Variants in ADGRL1 observed in about 807,000 individuals in gnomAD.
The protein encoded by ADGRL1 is CIRL-1.
ADGRL1 carries 31 observed loss-of-function variants against 148.9 expected under a neutral mutation model. That is an observed-to-expected ratio of 0.21 (90% CI 0.16 to 0.28). The LOEUF (loss-of-function observed/expected upper bound fraction) is 0.28, where lower values mean the gene tolerates loss of function less well. ADGRL1 is among the 10% of genes least tolerant of loss of function. The pLI is 1.00. For synonymous variants in ADGRL1, 937 were observed against 900.3 expected, an observed-to-expected ratio of 1.04 and a Z score of -0.73; for missense variants, 1,521 against 2,058.8, an observed-to-expected ratio of 0.74 and a Z score of 5.05.
In ADGRL1 at chr19:14,183,517, C is replaced by T. The variant is rs561441228; in HGVS notation, c.70+16G>A. ...TTTGGGAGCCGCGGCCCCTCCCCGG[C>T]CCCAGCAGCACCTACCTTGGGTGGC... is the stretch of plus-strand genomic sequence containing the variant. On this transcript the variant is annotated intron_variant, in intron 2 of 22. Transcript: ENST00000361434. The T allele has an allele frequency of 1.6e-5, 25 of 1,561,392 alleles. No individual in the cohort carries two copies. In the South Asian group the frequency reaches 2.7e-4, roughly 17 times the overall value.
chr19:14,158,640 C>A (rs1353588710), intron 11 of ADGRL1, 88 bp from the exon 12 acceptor site: 4 of 1,133,724 alleles, frequency 3.5e-6, no homozygotes, highest in Non-Finnish European at 5.1e-6. Flanking sequence ...TCAGCCAGCT[C>A]CTCAGCCCTT....
At chr19:14,174,782 C>T (rs574969975) in intron 3 of ADGRL1, among the ~76,000 whole-genome samples, 6 of 151,168 alleles carry the variant, frequency 4.0e-5, no homozygotes, top group Admixed American at 2.0e-4. Context: ...GTGATCCACC[C>T]GCCATGGCCT....
At chr19:14,184,902 G>A (rs1047951852) in intron 1 of ADGRL1, among the ~76,000 whole-genome samples, 4 of 152,130 alleles carry the variant, frequency 2.6e-5, no homozygotes, top group Admixed American at 2.0e-4. Context: ...GCCTCCCAAA[G>A]TGCTGGGATT....
intron 2 of ADGRL1, 81 bp from the exon 3 acceptor site, chr19:14,177,825 A>C: frequency 7.8e-7 from 1 of 1,289,364 alleles, no homozygotes; most frequent in Admixed American, 2.1e-5. Flanking sequence ...AGAAAACACC[A>C]CCTCTGGCTC....
chr19:14,201,062 G>A (rs1339296211), intron 1 of ADGRL1, among the ~76,000 whole-genome samples: 3 of 152,180 alleles, frequency 2.0e-5, no homozygotes, highest in Non-Finnish European at 4.4e-5. Context: ...GAAGAGGCTA[G>A]GGTGGCCTCT....
chr19:14,195,855 C>T (rs35945852), intron 1 of ADGRL1, among the ~76,000 whole-genome samples: 25,345 of 152,106 alleles, frequency 0.17, 2,469 homozygotes, highest in Non-Finnish European at 0.22. Flanking sequence ...ACATGATCCT[C>T]GGGCAGGGCA....
Position 14,151,113 on chromosome 19 carries a change from G to T in ADGRL1, c.4170C>A (p.Pro1390=). The T allele has an allele frequency of 6.4e-7, 1 of 1,564,134 alleles. No individual in the cohort carries two copies. The highest frequency in any genetic ancestry group is 8.6e-7 in the Non-Finnish European group (1 of 1,157,550). ...CCTCAGGGCTGCTGTCCGGGTAGGAGGGTGAGTCCCGCAGGTTGGCCCCGC... is the reference window on the plus strand; with the variant it reads ...CCTCAGGGCTGCTGTCCGGGTAGGATGGTGAGTCCCGCAGGTTGGCCCCGC... ...YASGANLRDS[P]SYPDSSPEGP... is the part of the protein sequence containing the mutation. The change falls in exon 23 of 23, where the codon CCC becomes CCA. Residue 1390 remains proline, a synonymous_variant. Coordinates refer to ENST00000361434, the MANE Select transcript of ADGRL1 (RefSeq NM_014921.5).
intron 3 of ADGRL1, among the ~76,000 whole-genome samples, chr19:14,173,356 G>C (rs80055970): frequency 1.3e-5 from 2 of 151,974 alleles, no homozygotes; most frequent in Admixed American, 6.6e-5. Context: ...TCGACTTCCC[G>C]AAGTGCTGGG....
chr19:14,168,779 A>T (rs1970219767), intron 4 of ADGRL1: 1 of 152,008 alleles, frequency 6.6e-6, no homozygotes, highest in Non-Finnish European at 1.5e-5. Flanking sequence ...TACCACAGCA[A>T]TAATCGTAAT....
At position 14,183,650 on chromosome 19, in the gene ADGRL1, G is replaced by T. The variant is rs1971379575; in HGVS notation, c.-48C>A. On this transcript the variant is annotated 5_prime_UTR_variant, in exon 2 of 23. Transcript: ENST00000361434. Reference sequence around the variant, plus strand: ...GGAGCTCTCAGTGGCCTGTGCGGGGGGCTTTGCCCCACATCACCTGGCAGG... The same window carrying T: ...GGAGCTCTCAGTGGCCTGTGCGGGGTGCTTTGCCCCACATCACCTGGCAGG... The T allele has an allele frequency of 5.3e-6, 8 of 1,505,930 alleles. No homozygotes were observed. The highest frequency in any genetic ancestry group is 2.5e-5 in the East Asian group (1 of 40,334). 93.3% of individuals were successfully genotyped at this position (1,505,930 alleles called of 1,614,324 possible).
At chr19:14,171,695 G>A (rs188848414) in intron 3 of ADGRL1, among the ~76,000 whole-genome samples, 2 of 152,296 alleles carry the variant, frequency 1.3e-5, no homozygotes, top group East Asian at 1.9e-4. Context: ...CTGCTGTGCA[G>A]ACTTATAGCC....
chr19:14,160,706 CAG>C lies in ADGRL1; in HGVS notation c.1511-12_1511-11del. On this transcript the variant is annotated splice_polypyrimidine_tract_variant and intron_variant, in intron 6 of 22. Transcript: ENST00000361434. The surrounding 1 kb of genome is among the most constrained non-coding windows in gnomAD (Gnocchi z 5.9). ...TGGAAGGAGGCAATTCCTGCAGGGA[CAG>C]ACAGACAGGAACAGACAAGGGAGCC... 6.5e-7 allele frequency: 1 copy of C among 1,529,424 alleles called. No homozygotes were observed. Among genetic ancestry groups the C allele is most frequent in the Non-Finnish European group, 9.1e-7 (1 of 1,104,950 alleles). The allele number at this position is 1,529,424 out of a possible 1,614,324, so 94.7% of individuals were successfully genotyped here.
chr19:14,172,615 C>A (rs780317714), intron 3 of ADGRL1, among the ~76,000 whole-genome samples: 10 of 152,014 alleles, frequency 6.6e-5, no homozygotes, highest in Non-Finnish European at 1.3e-4. Context: ...TGGGGCGCAC[C>A]GGTAATCCCA....
At chr19:14,203,866 G>C (rs1972781158) in intron 1 of ADGRL1, among the ~76,000 whole-genome samples, 2 of 152,124 alleles carry the variant, frequency 1.3e-5, no homozygotes, top group African/African-American at 4.8e-5. Flanking sequence ...CCCTTGGAGA[G>C]AAAGAGGGCC....
chr19:14,180,675 G>A (rs564675251), intron 2 of ADGRL1, among the ~76,000 whole-genome samples: 74 of 151,516 alleles, frequency 4.9e-4, no homozygotes, highest in Non-Finnish European at 1.8e-4. Context: ...TCAGCCTCCC[G>A]AGTAGCTGGG....
intron 4 of ADGRL1, chr19:14,167,173 T>G: frequency 1.3e-6 from 1 of 747,500 alleles, no homozygotes; most frequent in Non-Finnish European, 2.3e-6. Flanking sequence ...TCGCTCCTGC[T>G]TCCCCAACCC....
rs147163447 is a variant in ADGRL1, at chr19:14,151,215, C to T, written c.4068G>A (p.Ser1356=). Residue 1356 remains serine (S), a synonymous_variant, in exon 23 of 23, where the codon TCG becomes TCA. Coordinates refer to ENST00000361434, the MANE Select transcript of ADGRL1 (RefSeq NM_014921.5). The part of the protein sequence containing the change: ...SVLYQSDLDE[S]ESCTAEDGAT... ...CGCCGTCCTCGGCCGTGCAGCTCTC[C>T]GACTCGTCCAGATCGCTCTGGTACA... 1,679 of 1,611,780 alleles carry T rather than the reference C, an allele frequency of 1.0e-3. 26 individuals carry two copies. In the East Asian group the frequency reaches 0.032, roughly 31 times the overall value.
At chr19:14,180,408 A>T (rs945418659) in intron 2 of ADGRL1, among the ~76,000 whole-genome samples, 22 of 152,010 alleles carry the variant, frequency 1.4e-4, no homozygotes, top group Non-Finnish European at 4.4e-5. Flanking sequence ...GGCGCCTGCC[A>T]CCACACCCCA....
chr19:14,187,685 T>C (rs1359995131), intron 1 of ADGRL1, among the ~76,000 whole-genome samples: 8 of 149,426 alleles, frequency 5.4e-5, no homozygotes, highest in Admixed American at 1.4e-4. Context: ...CACCAGCCCC[T>C]ATCCGCATCT....
Sources: allele counts gnomAD v4.1 joint callset (sites outside exome capture counted in the v4.1 genomes callset), GRCh38; gene constraint gnomAD v4.1.1; non-coding constraint Gnocchi (gnomAD v3.1); transcripts MANE v1.5; gene names NCBI Gene and HGNC (gene_info 2026-07-23, HGNC 2026-07-21).